Variants in HTRA3 observed in about 807,000 individuals in gnomAD.
HTRA3 encodes HtrA serine peptidase 3, also known as serine protease HTRA3.
In HTRA3, 41 loss-of-function variants were observed where a neutral mutation model predicts 43.2. The ratio of observed to expected loss-of-function variants is 0.95; its 90% CI spans 0.74 to 1.23. The LOEUF (loss-of-function observed/expected upper bound fraction) is 1.23. Among genes scored for constraint, HTRA3 ranks in the 50% most tolerant of loss-of-function variants. The pLI, the probability that HTRA3 is intolerant of heterozygous loss-of-function variation, is 0.00. For synonymous variants in HTRA3, 295 were observed against 287.9 expected (o/e 1.02, Z -0.25); for missense variants, 628 against 647.1 (o/e 0.97, Z 0.32).
Position 8,295,705 on chromosome 4 carries a change from G to C in HTRA3, c.1051+1504G>C, listed in dbSNP as rs780806867. ...GCTGTCTCCTCCCAGCCCCCTCACTGGCAGTTCATTGAGAGCAGGGGGCTT... is the reference window on the plus strand; with the variant it reads ...GCTGTCTCCTCCCAGCCCCCTCACTCGCAGTTCATTGAGAGCAGGGGGCTT... On this transcript the variant is annotated intron_variant, in intron 6 of 8. Coordinates refer to ENST00000307358, the MANE Select transcript of HTRA3 (RefSeq NM_053044.5). The surrounding 1 kb of genome is among the most constrained non-coding windows in gnomAD (Gnocchi z 6.9). The C allele has an allele frequency of 7.1e-7, 1 of 1,417,472 alleles. No homozygotes were observed. Among genetic ancestry groups the C allele is most frequent in the South Asian group, 1.6e-5 (1 of 64,230 alleles). The allele number at this position is 1,417,472 out of a possible 1,614,324, so 87.8% of individuals were successfully genotyped here.
At chr4:8,270,732 C>T (rs1426404211) in intron 1 of HTRA3, among the ~76,000 whole-genome samples, 3 of 151,988 alleles carry the variant, frequency 2.0e-5, no homozygotes, top group African/African-American at 4.8e-5. Context: ...ACTCTCCAGC[C>T]GGGGTGCCCT....
chr4:8,283,055 C>T (rs1225964110), intron 2 of HTRA3, among the ~76,000 whole-genome samples: 1 of 152,118 alleles, frequency 6.6e-6, no homozygotes, highest in Non-Finnish European at 1.5e-5. Flanking sequence ...CTCGCAAGCA[C>T]CGAGGCCCGT....
At chr4:8,277,506 T>C (rs781136969) in intron 1 of HTRA3, among the ~76,000 whole-genome samples, 3 of 151,838 alleles carry the variant, frequency 2.0e-5, no homozygotes, top group Non-Finnish European at 2.9e-5. Context: ...GAAGGAGAGG[T>C]GGATCACCAC....
Position 8,296,569 on chromosome 4 carries a change from C to T in HTRA3, c.1051+2368C>T. The T allele has an allele frequency of 1.1e-5, 11 of 979,116 alleles. No individual in the cohort carries two copies. Among genetic ancestry groups the T allele is most frequent in the Non-Finnish European group, 1.3e-5 (11 of 824,266 alleles). 60.7% of individuals were successfully genotyped at this position (979,116 alleles called of 1,614,324 possible). A position where few individuals can be genotyped will look rare whatever the true frequency, so the allele number is the denominator to read the frequency against. ...ATTATTCTCGTCTGGAGGTGGGGTG[C>T]AGAGGCCTCTGAGGGGCTTTCAGGG... is the stretch of plus-strand genomic sequence containing the variant. On this transcript the variant is annotated intron_variant, in intron 6 of 8. Coordinates refer to ENST00000307358, the MANE Select transcript of HTRA3 (RefSeq NM_053044.5). The surrounding 1 kb of genome is among the most constrained non-coding windows in gnomAD (Gnocchi z 5.3).
At chr4:8,282,663 G>A (rs1712801838) in intron 2 of HTRA3, 127 bp downstream of exon 2, 5 of 716,608 alleles carry the variant, frequency 7.0e-6, no homozygotes, top group South Asian at 4.9e-5. Flanking sequence ...CTGGGGTCAG[G>A]CTGACCTCAG....
chr4:8,277,075 C>T (rs918301380), intron 1 of HTRA3, among the ~76,000 whole-genome samples: 1 of 152,220 alleles, frequency 6.6e-6, no homozygotes, highest in Admixed American at 6.5e-5. Context: ...CAGCCCTCAT[C>T]CCGCCTGCGT....
In HTRA3 at chr4:8,282,440, T is replaced by C; in HGVS notation, c.389T>C (p.Leu130Pro). The change falls in exon 2 of 9, where the codon CTC becomes CCC. Residue 130 changes from leucine to proline, a missense_variant. Coordinates refer to ENST00000307358, the MANE Select transcript of HTRA3 (RefSeq NM_053044.5). ...CTGGCCCTTCCCGCCAGCGCAGGTC[T>C]CCACCAGCTGAGCAGCCCGCGCTAC... ...QLQKGACPLG[L>P]HQLSSPRYKF... The C allele has an allele frequency of 6.2e-7, 1 of 1,612,788 alleles. No homozygotes were observed. The highest frequency in any genetic ancestry group is 8.5e-7 in the Non-Finnish European group (1 of 1,179,376).
chr4:8,293,682 G>GC (rs1485595967), intron 5 of HTRA3, among the ~76,000 whole-genome samples: 1 of 152,090 alleles, frequency 6.6e-6, no homozygotes, highest in Non-Finnish European at 1.5e-5. Flanking sequence ...CCACCTGCCA[G>GC]CCCCCCACTT....
rs371230966 is a variant in HTRA3 at position 8,301,285 on chromosome 4, G to T, written c.1052-1178G>T. On this transcript the variant is annotated intron_variant, in intron 6 of 8. Coordinates refer to ENST00000307358, the MANE Select transcript of HTRA3 (RefSeq NM_053044.5). Reference sequence around the variant, plus strand: ...GATTCACACTCATCTTTATTATTGAGTCACACTCATCTTTATTATTGATTC... The same window carrying T: ...GATTCACACTCATCTTTATTATTGATTCACACTCATCTTTATTATTGATTC... Among the ~76,000 whole-genome samples the T allele has an allele frequency of 4.0e-3, 532 of 133,838 alleles. 3 individuals carry two copies. The highest frequency in any genetic ancestry group is 0.019 in the Middle Eastern group (3 of 156). 87.8% of individuals were successfully genotyped at this position (133,838 alleles called of 152,430 possible). A position where few individuals can be genotyped will look rare whatever the true frequency, so the allele number is the denominator to read the frequency against.
intron 7 of HTRA3, among the ~76,000 whole-genome samples, chr4:8,303,666 T>C (rs1182760343): frequency 1.3e-5 from 2 of 152,250 alleles, no homozygotes; most frequent in Non-Finnish European, 2.9e-5. Flanking sequence ...ATTTATCTTT[T>C]GTTTTCTGTC....
chr4:8,291,271 T>C (rs1713226462), intron 3 of HTRA3, 99 bp from the exon 4 acceptor site: 4 of 1,045,052 alleles, frequency 3.8e-6, no homozygotes, highest in Non-Finnish European at 5.9e-6. Flanking sequence ...CAGATGTGCA[T>C]GCCTTCCCTG....
chr4:8,302,036 C>A (rs1461902037), intron 6 of HTRA3, among the ~76,000 whole-genome samples: 1 of 152,170 alleles, frequency 6.6e-6, no homozygotes, highest in African/African-American at 2.4e-5. Flanking sequence ...ACTCACTGGA[C>A]ATTAGCAGCG....
At chr4:8,278,026 A>G (rs1712597520) in intron 1 of HTRA3, among the ~76,000 whole-genome samples, 1 of 152,202 alleles carries the variant, frequency 6.6e-6, no homozygotes, top group African/African-American at 2.4e-5. Flanking sequence ...ACTGCAGGGA[A>G]GCTGGCCACT....
At chr4:8,280,831 G>A (rs1472484051) in intron 1 of HTRA3, among the ~76,000 whole-genome samples, 1 of 152,172 alleles carries the variant, frequency 6.6e-6, no homozygotes, top group Non-Finnish European at 1.5e-5. Context: ...TGGTGCCTGC[G>A]GGCCGGTTGA....
intron 2 of HTRA3, among the ~76,000 whole-genome samples, chr4:8,284,856 G>A (rs545712379): frequency 3.9e-5 from 6 of 152,332 alleles, no homozygotes; most frequent in East Asian, 1.9e-4. Context: ...AGTTAGGGAC[G>A]ACAGTAGTTT....
At chr4:8,292,098 T>C (rs1250496289) in intron 4 of HTRA3, among the ~76,000 whole-genome samples, 2 of 151,802 alleles carry the variant, frequency 1.3e-5, no homozygotes, top group East Asian at 2.0e-4. Context: ...CCGAAGCGTA[T>C]GGTTTGTGCA....
At chr4:8,303,678 C>T (rs1261522177) in intron 7 of HTRA3, among the ~76,000 whole-genome samples, 7 of 152,198 alleles carry the variant, frequency 4.6e-5, no homozygotes, top group Non-Finnish European at 1.5e-5. Context: ...TTTTCTGTCT[C>T]TTTTATCTGT....
chr4:8,271,226 CA>C (rs1712259637), intron 1 of HTRA3, among the ~76,000 whole-genome samples: 1 of 117,306 alleles, frequency 8.5e-6, no homozygotes, highest in East Asian at 2.2e-4. Context: ...AGGGCTTCCT[CA>C]TTTTTTCTGC....
At chr4:8,294,275 C>G (rs532759943) in intron 6 of HTRA3, 74 bp downstream of exon 6, 1 of 1,126,340 alleles carries the variant, frequency 8.9e-7, no homozygotes, top group Non-Finnish European at 1.3e-6. Flanking sequence ...ACACCCCAGC[C>G]CTGGGACCAA....
Sources: gnomAD v4.1 joint callset for allele counts (sites outside exome capture counted in the v4.1 genomes callset) on GRCh38, gnomAD v4.1.1 for gene constraint, Gnocchi (gnomAD v3.1) non-coding constraint, MANE v1.5 for transcripts, NCBI Gene and HGNC (gene_info 2026-07-23, HGNC 2026-07-21) for gene names.